PHIP: variants seen among roughly 807,000 people sequenced by gnomAD.
PHIP encodes the protein PHIP subunit of CUL4-Ring ligase complex.
Under a neutral mutation model 236.8 loss-of-function variants are expected in PHIP, and 54 were observed. The ratio of observed to expected loss-of-function variants is 0.23; its 90% CI spans 0.18 to 0.29. PHIP has a LOEUF of 0.29. Among genes scored for constraint, PHIP ranks in the 10% least tolerant of loss-of-function variants. The probability of loss-of-function intolerance (pLI) is 1.00; values close to 1 mark genes in which losing one functional copy is unlikely to be tolerated. For synonymous variants in PHIP, 756 were observed against 718.9 expected, an observed-to-expected ratio of 1.05 and a Z score of -0.83; for missense variants, 1,370 against 2,190.8, an observed-to-expected ratio of 0.63 and a Z score of 7.48.
In PHIP at chr6:78,982,459, G is replaced by A. The variant is rs148484465; in HGVS notation, c.2769+427C>T. Reference sequence around the variant, plus strand: ...GCCTTGGGGTCAACTGTAACAAGTTGTGTCATTTCTACTCTGTGTGATGTT... The same window carrying A: ...GCCTTGGGGTCAACTGTAACAAGTTATGTCATTTCTACTCTGTGTGATGTT... On this transcript the variant is annotated intron_variant, in intron 23 of 39. Transcript: ENST00000275034. Among the ~76,000 whole-genome samples the A allele has an allele frequency of 6.2e-4, 95 of 152,048 alleles. 1 individual carries two copies. In the South Asian group the frequency reaches 8.1e-3, roughly 13 times the overall value.
intron 9 of PHIP, among the ~76,000 whole-genome samples, chr6:79,023,000 G>C (rs1771198341): frequency 6.6e-6 from 1 of 152,146 alleles, no homozygotes; most frequent in South Asian, 2.1e-4. Flanking sequence ...CAAATTTTTG[G>C]CAGTTTTCAA....
chr6:79,033,825 T>G (rs932962998), intron 7 of PHIP, among the ~76,000 whole-genome samples: 1 of 152,180 alleles, frequency 6.6e-6, no homozygotes, highest in Non-Finnish European at 1.5e-5. Flanking sequence ...CTCGCCTTAA[T>G]CTTTTCTAAC....
chr6:78,989,311 A>G (rs1769065897), intron 20 of PHIP, among the ~76,000 whole-genome samples: 1 of 152,154 alleles, frequency 6.6e-6, no homozygotes, highest in Non-Finnish European at 1.5e-5. Context: ...CTATAGTCCC[A>G]GCTATTTGGG....
chr6:78,943,679 T>A (rs1342070477), intron 39 of PHIP, among the ~76,000 whole-genome samples: 1 of 152,104 alleles, frequency 6.6e-6, no homozygotes, highest in Non-Finnish European at 1.5e-5. Flanking sequence ...AACAGGGTTT[T>A]CTGGGACATA....
At chr6:78,972,980 C>G (rs1767714426) in intron 24 of PHIP, among the ~76,000 whole-genome samples, 1 of 151,924 alleles carries the variant, frequency 6.6e-6, no homozygotes, top group African/African-American at 2.4e-5. Context: ...AGAATTTCCC[C>G]AATCTAGCAA....
At chr6:78,975,232 T>A (rs1166447264) in intron 24 of PHIP, among the ~76,000 whole-genome samples, 1 of 151,894 alleles carries the variant, frequency 6.6e-6, no homozygotes, top group African/African-American at 2.4e-5. Context: ...CGCAAATCAA[T>A]AAATGTAATC....
At chr6:78,967,702 T>C (rs761967451) in intron 27 of PHIP, among the ~76,000 whole-genome samples, 1 of 152,224 alleles carries the variant, frequency 6.6e-6, no homozygotes, top group Non-Finnish European at 1.5e-5. Flanking sequence ...ATGATGCTCA[T>C]TCATTTTAAT....
At chr6:79,002,508 G>A (rs1348325817) in intron 16 of PHIP, among the ~76,000 whole-genome samples, 3 of 151,970 alleles carry the variant, frequency 2.0e-5, no homozygotes, top group South Asian at 2.1e-4. Context: ...ATGAAATCAC[G>A]TGCCATCTCA....
At chr6:79,069,041 T>C (rs1474909875) in intron 4 of PHIP, among the ~76,000 whole-genome samples, 1 of 151,916 alleles carries the variant, frequency 6.6e-6, no homozygotes, top group Non-Finnish European at 1.5e-5. Flanking sequence ...AAAAGGCTAG[T>C]TACACTTCTG....
Position 78,935,548 on chromosome 6 carries a change from T to C in PHIP, c.*5145A>G. ...AAGTATCTGAATAGTGAAGTATTTA[T>C]CACTCATCACAGTAACTTACGGTAA... On this transcript the variant is annotated 3_prime_UTR_variant, in exon 40 of 40. Coordinates refer to ENST00000275034, the MANE Select transcript of PHIP (RefSeq NM_017934.7). 3.1e-6 allele frequency: 3 copies of C among 963,102 alleles called. No individual in the cohort carries two copies. Among genetic ancestry groups the C allele is most frequent in the Non-Finnish European group, 3.7e-6 (3 of 809,628 alleles). The allele number at this position is 963,102 out of a possible 1,614,324, so 59.7% of individuals were successfully genotyped here.
At chr6:78,971,670 C>T (rs540736980) in intron 24 of PHIP, among the ~76,000 whole-genome samples, 56 of 152,174 alleles carry the variant, frequency 3.7e-4, no homozygotes, top group Middle Eastern at 3.4e-3. Context: ...AGTGGGTGCG[C>T]GCACCGTGTG....
intron 24 of PHIP, among the ~76,000 whole-genome samples, chr6:78,975,628 C>T (rs372062869): frequency 3.3e-5 from 5 of 152,102 alleles, no homozygotes; most frequent in East Asian, 1.9e-4. Flanking sequence ...GAAAACCCCA[C>T]TGTCTCAGCC....
At chr6:79,076,176 C>T (rs1270585561) in intron 4 of PHIP, among the ~76,000 whole-genome samples, 1 of 152,136 alleles carries the variant, frequency 6.6e-6, no homozygotes, top group Non-Finnish European at 1.5e-5. Flanking sequence ...TATTAAACCA[C>T]AAGAGATTTA....
chr6:79,054,434 G>A (rs1195440306), intron 6 of PHIP, among the ~76,000 whole-genome samples: 3 of 150,706 alleles, frequency 2.0e-5, no homozygotes, highest in Admixed American at 1.3e-4. Flanking sequence ...AATGGTTACT[G>A]AGAAACAATA....
chr6:79,053,582 T>C (rs1417963434), intron 6 of PHIP, among the ~76,000 whole-genome samples: 1 of 152,182 alleles, frequency 6.6e-6, no homozygotes, highest in African/African-American at 2.4e-5. Context: ...TATAAAAATA[T>C]CTATTCAGCC....
chr6:78,935,801 C>T lies in PHIP; in HGVS notation c.*4892G>A. Reference sequence around the variant, plus strand: ...GTAAGCAGCTTGTTGAGATTATGTACTAAGTGCTTTATGTGATGCCAAAAA... The same window carrying T: ...GTAAGCAGCTTGTTGAGATTATGTATTAAGTGCTTTATGTGATGCCAAAAA... On this transcript the variant is annotated 3_prime_UTR_variant, in exon 40 of 40. Transcript: ENST00000275034. The T allele has an allele frequency of 1.0e-6, 1 of 954,104 alleles. No homozygotes were observed. The highest frequency in any genetic ancestry group is 6.2e-5 in the Admixed American group (1 of 16,222). 59.1% of individuals were successfully genotyped at this position (954,104 alleles called of 1,614,324 possible).
At chr6:79,077,536 G>A (rs1485049828) in intron 3 of PHIP, 29 bp from the exon 4 acceptor site, 4 of 1,426,256 alleles carry the variant, frequency 2.8e-6, no homozygotes, top group Admixed American at 2.3e-5. Flanking sequence ...CCGTGAGCCC[G>A]GCCCCCGGCC....
intron 7 of PHIP, among the ~76,000 whole-genome samples, chr6:79,038,464 G>C (rs116003706): frequency 0.012 from 1,813 of 152,238 alleles, 40 homozygotes; most frequent in African/African-American, 0.042. Context: ...TATTAATTTT[G>C]AGGGGACAGA....
intron 23 of PHIP, among the ~76,000 whole-genome samples, chr6:78,979,236 A>C (rs1488928565): frequency 2.0e-5 from 3 of 152,060 alleles, no homozygotes; most frequent in African/African-American, 4.8e-5. Flanking sequence ...AGAGTTATTC[A>C]ATCTCTCCAA....
Sources: gnomAD v4.1 joint callset for allele counts (sites outside exome capture counted in the v4.1 genomes callset) on GRCh38, gnomAD v4.1.1 for gene constraint, MANE v1.5 for transcripts, NCBI Gene and HGNC (gene_info 2026-07-23, HGNC 2026-07-21) for gene names.